The following MZF1 variants were observed in gnomAD, a reference collection of about 807,000 sequenced individuals.
MZF1 encodes the protein myeloid zinc finger 1.
Under a neutral mutation model 28.6 loss-of-function variants are expected in MZF1, and 24 were observed. That is an observed-to-expected ratio of 0.84 (90% CI 0.61 to 1.18). The LOEUF (loss-of-function observed/expected upper bound fraction) is 1.18. MZF1 is among the 50% of genes most tolerant of loss of function. The pLI, the probability that MZF1 is intolerant of heterozygous loss-of-function variation, is 0.00. For missense variants in MZF1, 1,166 were observed against 1,026.4 expected, an observed-to-expected ratio of 1.14 and a Z score of -1.86; for synonymous variants, 516 against 432.5, an observed-to-expected ratio of 1.19 and a Z score of -2.40.
chr19:58,570,643 T>A, intron 2 of MZF1, 116 bp from the exon 3 acceptor site: 1 of 1,165,482 alleles, frequency 8.6e-7, no homozygotes, highest in Non-Finnish European at 1.2e-6. Context: ...TGTAAATACC[T>A]ACTGACTAGG....
intron 2 of MZF1, 170 bp downstream of exon 2, chr19:58,570,823 TG>T: frequency 1.4e-6 from 1 of 724,084 alleles, no homozygotes; most frequent in Non-Finnish European, 2.2e-6. Flanking sequence ...CTGGGGAGTC[TG>T]GCCCTGGAAT....
At chr19:58,565,783 T>C (rs113048016) in intron 5 of MZF1, among the ~76,000 whole-genome samples, 3,137 of 139,034 alleles carry the variant, frequency 0.023, 73 homozygotes, top group African/African-American at 0.047. Context: ...CCGCCCGCCT[T>C]GGCCTCCCAA....
In MZF1 at chr19:58,562,351, C is replaced by G; in HGVS notation, c.1926G>C (p.Glu642Asp). 1 of 1,609,776 alleles carries G rather than the reference C, an allele frequency of 6.2e-7. No homozygotes were observed. The highest frequency in any genetic ancestry group is 8.5e-7 in the Non-Finnish European group (1 of 1,178,670). Residue 642 changes from glutamate to aspartate, a missense_variant, in exon 6 of 6, where the codon GAG becomes GAC. By Grantham distance (45) the Glu-to-Asp change is conservative. Coordinates refer to ENST00000215057, the MANE Select transcript of MZF1 (RefSeq NM_198055.2). ...LGFTQVSRLTEHQRIHTGERP... is the reference protein window; with the variant it reads ...LGFTQVSRLTDHQRIHTGERP... Reference sequence around the variant, plus strand: ...GTTCGCCCGTGTGGATGCGCTGGTGCTCGGTGAGCCGCGAGACCTGCGTGA... The same window carrying G: ...GTTCGCCCGTGTGGATGCGCTGGTGGTCGGTGAGCCGCGAGACCTGCGTGA...
chr19:58,569,304 C>T lies in MZF1; in HGVS notation c.745G>A (p.Glu249Lys). ...GGGGAGAAGATGCCCCCAGCTTCCTCATGCCACAGGGCCCTGGGGTGCTCC... is the reference window on the plus strand; with the variant it reads ...GGGGAGAAGATGCCCCCAGCTTCCTTATGCCACAGGGCCCTGGGGTGCTCC... ...WREHPRALWH[E>K]EAGGIFSPGF... The change falls in exon 5 of 6, where the codon GAG (glutamate) becomes AAG (lysine). Residue 249 changes from glutamate (E) to lysine (K), a missense_variant. Glu to Lys is a moderately conservative substitution (Grantham distance 56). Transcript: ENST00000215057. The T allele has an allele frequency of 1.2e-6, 2 of 1,609,126 alleles. No homozygotes were observed. Among genetic ancestry groups the T allele is most frequent in the Non-Finnish European group, 1.7e-6 (2 of 1,178,016 alleles).
At chr19:58,565,079 C>T (rs1326496125) in intron 5 of MZF1, among the ~76,000 whole-genome samples, 1 of 145,418 alleles carries the variant, frequency 6.9e-6, no homozygotes, top group Non-Finnish European at 1.5e-5. Context: ...CACCACCATG[C>T]CTGGCTAATT....
chr19:58,572,731 T>C (rs761803902), intron 1 of MZF1: 12 of 843,074 alleles, frequency 1.4e-5, no homozygotes, highest in Non-Finnish European at 2.0e-5. Flanking sequence ...TGGGAGAGAC[T>C]TGGGTCATAG....
Position 58,562,273 on chromosome 19 carries a change from G to A in MZF1, c.2004C>T (p.Leu668=), listed in dbSNP as rs1420231654. The A allele has an allele frequency of 1.2e-6, 2 of 1,601,994 alleles. No homozygotes were observed. The highest frequency in any genetic ancestry group is 1.7e-6 in the Non-Finnish European group (2 of 1,175,786). The change falls in exon 6 of 6, where the codon CTC becomes CTT. Residue 668 remains leucine, a synonymous_variant. Coordinates refer to ENST00000215057, the MANE Select transcript of MZF1 (RefSeq NM_198055.2). ...CGQSFRQHAN[L]TQHRRIHTGE... is the part of the protein sequence containing the mutation. ...CCGTGTGGATGCGCCGGTGCTGGGT[G>A]AGGTTGGCGTGCTGCCGAAAGCTCT...
At position 58,562,555 on chromosome 19, in the gene MZF1, A is replaced by G. The variant is rs776565803; in HGVS notation, c.1722T>C (p.Cys574=). ...TGERPFACAE[C]GKAFRQRPTL... is the part of the protein sequence containing the mutation. ...TAGGCCGCTGGCGGAAGGCCTTGCCACACTCGGCGCAGGCGAAGGGCCGCT... is the reference window on the plus strand; with the variant it reads ...TAGGCCGCTGGCGGAAGGCCTTGCCGCACTCGGCGCAGGCGAAGGGCCGCT... Residue 574 remains cysteine, a synonymous_variant, in exon 6 of 6, where the codon TGT becomes TGC. Coordinates refer to ENST00000215057, the MANE Select transcript of MZF1 (RefSeq NM_198055.2). 4 of 1,601,244 alleles carry G rather than the reference A, an allele frequency of 2.5e-6. No homozygotes were observed. In the South Asian group the frequency reaches 3.3e-5, roughly 13 times the overall value.
chr19:58,562,753 C>T lies in MZF1; in HGVS notation c.1524G>A (p.Thr508=), dbSNP rs1370277085. Residue 508 remains threonine (T), a synonymous_variant, in exon 6 of 6, where the codon ACG becomes ACA. Coordinates refer to ENST00000215057, the MANE Select transcript of MZF1 (RefSeq NM_198055.2). ...AVLLEHQAVH[T]GDKSFGCVEC... ...CGACGCAGCCAAAGGACTTGTCGCC[C>T]GTGTGTACCGCCTGGTGCTCCAGCA... is the stretch of plus-strand genomic sequence containing the variant. 2.6e-5 allele frequency: 40 copies of T among 1,535,926 alleles called. No homozygotes were observed. The highest frequency in any genetic ancestry group is 3.2e-5 in the Non-Finnish European group (37 of 1,147,270).
At position 58,562,058 on chromosome 19, in the gene MZF1, C is replaced by T. The variant is rs1312023960; in HGVS notation, c.*14G>A. ...TGTTCTGACCATGGCGGACACAGTG[C>T]GTCCCGGCTGGAGCTACTCGGCGCT... On this transcript the variant is annotated 3_prime_UTR_variant, in exon 6 of 6. Transcript: ENST00000215057. The T allele has an allele frequency of 5.2e-6, 8 of 1,547,396 alleles. No individual in the cohort carries two copies. The highest frequency in any genetic ancestry group is 1.7e-4 in the Middle Eastern group (1 of 5,798).
In MZF1 at chr19:58,570,338, C is replaced by T; in HGVS notation, c.580+6G>A. 5 of 1,607,584 alleles carry T rather than the reference C, an allele frequency of 3.1e-6. No homozygotes were observed. Among genetic ancestry groups the T allele is most frequent in the Non-Finnish European group, 4.3e-6 (5 of 1,176,058 alleles). ...CCTTAGGCGCGCCCACCGTGCATGC[C>T]CTCACCTGAGTCCTCTGTAACCTCT... On this transcript the variant is annotated splice_donor_region_variant and intron_variant, in intron 3 of 5. Transcript: ENST00000215057.
intron 1 of MZF1, chr19:58,572,754 G>C (rs1186387147): frequency 5.1e-6 from 3 of 591,438 alleles, no homozygotes. Context: ...AAGATGGCAG[G>C]TACCTACGGA....
rs769927733 is a variant in MZF1 at position 58,562,461 on chromosome 19, A to G, written c.1816T>C (p.Phe606Leu). The change falls in exon 6 of 6, where the codon TTC becomes CTC. Residue 606 changes from phenylalanine to leucine, a missense_variant. Coordinates refer to ENST00000215057, the MANE Select transcript of MZF1 (RefSeq NM_198055.2). ...PFACPECGQR[F>L]SQRLKLTRHQ... ...CGCGTGAGCTTGAGGCGCTGGCTGA[A>G]GCGCTGGCCACACTCGGGGCAGGCA... The G allele has an allele frequency of 6.2e-7, 1 of 1,610,956 alleles. No homozygotes were observed. The highest frequency in any genetic ancestry group is 1.3e-5 in the African/African-American group (1 of 74,528).
intron 5 of MZF1, among the ~76,000 whole-genome samples, chr19:58,565,699 A>G (rs2054037968): frequency 6.7e-6 from 1 of 148,892 alleles, no homozygotes; most frequent in Non-Finnish European, 1.5e-5. Context: ...CGCCTGACTA[A>G]TATTTTGTAT....
At chr19:58,564,919 T>TG (rs1415242107) in intron 5 of MZF1, among the ~76,000 whole-genome samples, 12 of 121,686 alleles carry the variant, frequency 9.9e-5, no homozygotes, top group East Asian at 4.7e-4. Context: ...TTTTTTTTTT[T>TG]TTTTTTTTTT....
chr19:58,566,766 G>A (rs967830163), intron 5 of MZF1, among the ~76,000 whole-genome samples: 1 of 151,936 alleles, frequency 6.6e-6, no homozygotes, highest in Non-Finnish European at 1.5e-5. Context: ...TTGAGGTCAG[G>A]AGTTCAAGAC....
chr19:58,571,454 G>A (rs1454451084), intron 1 of MZF1, 25 bp from the exon 2 acceptor site: 1 of 1,586,110 alleles, frequency 6.3e-7, no homozygotes, highest in Non-Finnish European at 8.6e-7. Context: ...GGATGAGGCT[G>A]TTGCAAAAGG....
intron 3 of MZF1, 171 bp downstream of exon 3, chr19:58,570,173 T>C (rs1301381429): frequency 3.1e-6 from 2 of 652,748 alleles, no homozygotes; most frequent in Non-Finnish European, 5.1e-6. Context: ...GTGACAGCAC[T>C]GGCTGCGGTG....
chr19:58,570,604 T>C (rs2054141871), intron 2 of MZF1, 77 bp from the exon 3 acceptor site: 13 of 1,472,650 alleles, frequency 8.8e-6, no homozygotes, highest in South Asian at 1.3e-5. Flanking sequence ...TGGGTGCCCA[T>C]CCCACTGTAG....
Sources: gnomAD v4.1 joint callset for allele counts (sites outside exome capture counted in the v4.1 genomes callset) on GRCh38, gnomAD v4.1.1 for gene constraint, MANE v1.5 for transcripts, NCBI Gene and HGNC (gene_info 2026-07-23, HGNC 2026-07-21) for gene names.